Variants in RAB6A observed in about 807,000 individuals in gnomAD.
RAB6A encodes RAB6A, member RAS oncogene family.
A neutral mutation model predicts 32.3 loss-of-function variants in RAB6A; 8 were observed. The ratio of observed to expected loss-of-function variants is 0.25; its 90% CI spans 0.15 to 0.45. The LOEUF (loss-of-function observed/expected upper bound fraction) is 0.45. Ranked by LOEUF, RAB6A falls within the 20% of genes least tolerant of loss-of-function variation. The pLI is 1.00. For missense variants in RAB6A, 104 were observed against 249.4 expected, an observed-to-expected ratio of 0.42 and a Z score of 3.93; for synonymous variants, 73 against 82.1, an observed-to-expected ratio of 0.89 and a Z score of 0.60.
intron 2 of RAB6A, chr11:73,722,305 GTA>G (rs1204770272): frequency 1.7e-3 from 73 of 42,324 alleles, no homozygotes; most frequent in African/African-American, 4.6e-3. Context: ...ATGTGTGTGT[GTA>G]TATATATATA....
chr11:73,731,679 AGATAT>A (rs1335126168), intron 1 of RAB6A, among the ~76,000 whole-genome samples: 2 of 115,286 alleles, frequency 1.7e-5, no homozygotes, highest in African/African-American at 3.3e-5. Context: ...ATAGATAGAT[AGATAT>A]TATATATATA....
intron 1 of RAB6A, among the ~76,000 whole-genome samples, chr11:73,757,272 T>C (rs931778276): frequency 5.4e-5 from 8 of 148,458 alleles, no homozygotes; most frequent in Non-Finnish European, 8.9e-5. Context: ...GCCTCCTGAG[T>C]AGCTGGGATT....
intron 1 of RAB6A, among the ~76,000 whole-genome samples, chr11:73,753,710 GA>G (rs1316277900): frequency 2.1e-5 from 3 of 142,588 alleles, no homozygotes. Context: ...GATTCCGTCT[GA>G]AAAAAAAACA....
intron 1 of RAB6A, among the ~76,000 whole-genome samples, chr11:73,752,477 C>T (rs915738289): frequency 2.0e-5 from 3 of 151,500 alleles, no homozygotes; most frequent in Admixed American, 2.0e-4. Flanking sequence ...AACACAGATG[C>T]TACAGAAAGG....
chr11:73,711,853 C>T lies in RAB6A; in HGVS notation c.402-4340G>A, dbSNP rs538467118. Among the ~76,000 whole-genome samples, 48 of 152,312 alleles carry T rather than the reference C, an allele frequency of 3.2e-4. No homozygotes were observed. In the South Asian group the frequency reaches 9.5e-3, roughly 30 times the overall value. ...GCAAAAATATTTCTCAGTGCAGTTTCAATCAGTACTTCAGTAAGAGCAAGA... is the reference window on the plus strand; with the variant it reads ...GCAAAAATATTTCTCAGTGCAGTTTTAATCAGTACTTCAGTAAGAGCAAGA... On this transcript the variant is annotated intron_variant, in intron 5 of 7. Transcript: ENST00000336083.
chr11:73,709,568 T>C (rs1027900903), intron 5 of RAB6A, among the ~76,000 whole-genome samples: 24 of 149,958 alleles, frequency 1.6e-4, no homozygotes, highest in Middle Eastern at 3.5e-3. Flanking sequence ...TTGGCTCTCC[T>C]GAATCTGACA....
chr11:73,738,575 G>A (rs1946438445), intron 1 of RAB6A, among the ~76,000 whole-genome samples: 1 of 152,176 alleles, frequency 6.6e-6, no homozygotes, highest in South Asian at 2.1e-4. Flanking sequence ...TTCAAGCCCA[G>A]GAGTTTGCAA....
intron 1 of RAB6A, 83 bp downstream of exon 1, chr11:73,760,483 C>G (rs1946828447): frequency 6.7e-7 from 1 of 1,496,844 alleles, no homozygotes; most frequent in African/African-American, 1.4e-5. Context: ...GGGCAGGGAG[C>G]CTCCGCGGAC....
chr11:73,729,043 C>T (rs1946266545), intron 2 of RAB6A, among the ~76,000 whole-genome samples: 1 of 152,022 alleles, frequency 6.6e-6, no homozygotes, highest in Non-Finnish European at 1.5e-5. Flanking sequence ...GTCCATTTTA[C>T]CTGTCATCTA....
intron 6 of RAB6A, among the ~76,000 whole-genome samples, chr11:73,705,648 T>C (rs1565355543): frequency 6.6e-6 from 1 of 152,124 alleles, no homozygotes; most frequent in African/African-American, 2.4e-5. Context: ...TAGTGGCATA[T>C]GGCTAATATA....
intron 6 of RAB6A, among the ~76,000 whole-genome samples, chr11:73,685,608 G>C (rs1342686950): frequency 2.5e-4 from 1 of 4,066 alleles, no homozygotes; most frequent in Non-Finnish European, 8.9e-4. Context: ...ACCAGGTGCG[G>C]TGCCTCACGC....
intron 5 of RAB6A, among the ~76,000 whole-genome samples, chr11:73,708,485 G>A (rs1461610121): frequency 1.3e-5 from 2 of 151,642 alleles, no homozygotes; most frequent in Non-Finnish European, 1.5e-5. Context: ...GTGGATTTCT[G>A]TAAGTGAAGT....
At chr11:73,713,001 C>A (rs900048313) in intron 5 of RAB6A, among the ~76,000 whole-genome samples, 1 of 152,072 alleles carries the variant, frequency 6.6e-6, no homozygotes, top group Non-Finnish European at 1.5e-5. Flanking sequence ...GTGTGAGCCA[C>A]CACGCTGGCC....
chr11:73,739,822 C>A (rs1188942344), intron 1 of RAB6A, among the ~76,000 whole-genome samples: 1 of 151,990 alleles, frequency 6.6e-6, no homozygotes, highest in Non-Finnish European at 1.5e-5. Context: ...TTTGGGAGGC[C>A]CGGGCGGGCA....
chr11:73,758,551 T>C (rs1946795205), intron 1 of RAB6A, among the ~76,000 whole-genome samples: 1 of 152,072 alleles, frequency 6.6e-6, no homozygotes, highest in African/African-American at 2.4e-5. Flanking sequence ...TAGTAGAGGC[T>C]TAAACAAGGT....
chr11:73,708,314 G>A (rs1328435963), intron 5 of RAB6A, among the ~76,000 whole-genome samples: 4 of 151,946 alleles, frequency 2.6e-5, no homozygotes, highest in African/African-American at 4.8e-5. Context: ...GATTATAGGC[G>A]CCCACCACCA....
At chr11:73,692,193 C>A (rs1172299561) in intron 6 of RAB6A, among the ~76,000 whole-genome samples, 2 of 151,726 alleles carry the variant, frequency 1.3e-5, no homozygotes, top group African/African-American at 2.4e-5. Flanking sequence ...ATCCTCCTGA[C>A]CTCAAAAACA....
intron 5 of RAB6A, among the ~76,000 whole-genome samples, chr11:73,715,503 T>C (rs979372474): frequency 1.1e-4 from 17 of 152,230 alleles, no homozygotes; most frequent in African/African-American, 3.9e-4. Flanking sequence ...CTGGCTTTCT[T>C]TGCAACACTT....
At chr11:73,702,697 G>C (rs1326320465) in intron 6 of RAB6A, among the ~76,000 whole-genome samples, 2 of 152,054 alleles carry the variant, frequency 1.3e-5, no homozygotes, top group Non-Finnish European at 1.5e-5. Context: ...AGATTATCTA[G>C]AAATGTCCCT....
Sources: gnomAD v4.1 joint callset for allele counts (sites outside exome capture counted in the v4.1 genomes callset) on GRCh38, gnomAD v4.1.1 for gene constraint, MANE v1.5 for transcripts, NCBI Gene and HGNC (gene_info 2026-07-23, HGNC 2026-07-21) for gene names.